WWOX: variants seen among roughly 807,000 people sequenced by gnomAD.
The protein encoded by WWOX is WW domain-containing oxidoreductase.
Under a neutral mutation model 46.2 loss-of-function variants are expected in WWOX, and 69 were observed. That is an observed-to-expected ratio of 1.49 (90% CI 1.23 to 1.82). The LOEUF (loss-of-function observed/expected upper bound fraction) is 1.82. Ranked by LOEUF, WWOX falls within the 40% of genes most tolerant of loss-of-function variation. The pLI, the probability that WWOX is intolerant of heterozygous loss-of-function variation, is 0.00. For synonymous variants in WWOX, 359 were observed against 202.6 expected, an observed-to-expected ratio of 1.77 and a Z score of -6.56; for missense variants, 919 against 542.6, an observed-to-expected ratio of 1.69 and a Z score of -6.89.
At chr16:78,967,681 A>C (rs2046388902) in intron 8 of WWOX, among the ~76,000 whole-genome samples, 1 of 152,068 alleles carries the variant, frequency 6.6e-6, no homozygotes, top group Non-Finnish European at 1.5e-5. Context: ...GGGAGAGTCT[A>C]GTGGGTGTTA....
chr16:79,007,940 C>A (rs556470691), intron 8 of WWOX, among the ~76,000 whole-genome samples: 1 of 152,282 alleles, frequency 6.6e-6, no homozygotes, highest in Non-Finnish European at 1.5e-5. Context: ...ATTGTGTTAG[C>A]TATCTCTTGC....
chr16:79,152,704 C>T (rs1191039928), intron 8 of WWOX, among the ~76,000 whole-genome samples: 1 of 151,938 alleles, frequency 6.6e-6, no homozygotes, highest in East Asian at 1.9e-4. Flanking sequence ...ACCTGCCCTG[C>T]CCAGCCATGC....
chr16:78,176,243 T>C (rs1030115172), intron 5 of WWOX, among the ~76,000 whole-genome samples: 9 of 152,176 alleles, frequency 5.9e-5, no homozygotes, highest in African/African-American at 2.2e-4. Flanking sequence ...TCCAAAGTTA[T>C]TGAAGATATT....
intron 8 of WWOX, among the ~76,000 whole-genome samples, chr16:79,067,083 G>A (rs560269424): frequency 2.0e-5 from 3 of 152,288 alleles, no homozygotes; most frequent in African/African-American, 4.8e-5. Flanking sequence ...TATTAGTGAG[G>A]TCTCCCTGAA....
At chr16:78,726,286 A>T (rs968747600) in intron 8 of WWOX, among the ~76,000 whole-genome samples, 1 of 149,530 alleles carries the variant, frequency 6.7e-6, no homozygotes, top group Non-Finnish European at 1.5e-5. Flanking sequence ...GTGCAGTGGC[A>T]TGATCACGGT....
chr16:78,674,261 C>T lies in WWOX; in HGVS notation c.1056+241509C>T, dbSNP rs115176097. ...GTGGGGAAGCACTCCCCATCCAACT[C>T]GTTCCAACCAGTTCATCTTTTTTTT... On this transcript the variant is annotated intron_variant, in intron 8 of 8. Transcript: ENST00000566780. Among the ~76,000 whole-genome samples, 1,342 of 148,618 alleles carry T rather than the reference C, an allele frequency of 9.0e-3. 23 individuals carry two copies. The highest frequency in any genetic ancestry group is 0.031 in the African/African-American group (1,245 of 40,612).
intron 8 of WWOX, among the ~76,000 whole-genome samples, chr16:78,562,671 C>G (rs1321120031): frequency 6.6e-6 from 1 of 152,196 alleles, no homozygotes; most frequent in Non-Finnish European, 1.5e-5. Flanking sequence ...TCAATACTTG[C>G]CTTCCTTTGA....
At chr16:78,684,499 G>A (rs191421216) in intron 8 of WWOX, among the ~76,000 whole-genome samples, 2 of 152,272 alleles carry the variant, frequency 1.3e-5, no homozygotes, top group African/African-American at 2.4e-5. Context: ...CCCATTTGCA[G>A]TTCCCTCAGA....
chr16:78,717,344 T>C (rs2048588165), intron 8 of WWOX, among the ~76,000 whole-genome samples: 1 of 152,246 alleles, frequency 6.6e-6, no homozygotes, highest in Admixed American at 6.5e-5. Context: ...TGCAATAATG[T>C]AATTGAAATA....
intron 5 of WWOX, among the ~76,000 whole-genome samples, chr16:78,347,284 G>A (rs4421994): frequency 0.2 from 22,472 of 111,188 alleles, 6,664 homozygotes; most frequent in Admixed American, 0.41. Flanking sequence ...TCTGGCCAAT[G>A]CTCCTTCCCC....
intron 8 of WWOX, among the ~76,000 whole-genome samples, chr16:79,071,614 A>G (rs911213385): frequency 1.3e-5 from 2 of 152,262 alleles, no homozygotes; most frequent in African/African-American, 4.8e-5. Context: ...TTACACGCTC[A>G]GGCTTGTAGT....
intron 8 of WWOX, among the ~76,000 whole-genome samples, chr16:78,759,213 A>T (rs187997367): frequency 2.2e-4 from 33 of 152,274 alleles, no homozygotes; most frequent in African/African-American, 7.5e-4. Context: ...AGAACAGGGT[A>T]ATCAACTGGG....
At chr16:78,709,637 C>T (rs983830984) in intron 8 of WWOX, among the ~76,000 whole-genome samples, 3 of 152,090 alleles carry the variant, frequency 2.0e-5, no homozygotes, top group African/African-American at 7.2e-5. Flanking sequence ...GGCCTTTTAA[C>T]AGGGAATGAA....
intron 8 of WWOX, among the ~76,000 whole-genome samples, chr16:79,177,025 C>A (rs1373333432): frequency 6.6e-6 from 1 of 152,210 alleles, no homozygotes; most frequent in Non-Finnish European, 1.5e-5. Flanking sequence ...GCATATGTTG[C>A]TTTTATTAGG....
chr16:78,154,841 G>A (rs12716852), intron 4 of WWOX, among the ~76,000 whole-genome samples: 86,231 of 151,850 alleles, frequency 0.57, 24,693 homozygotes, highest in African/African-American at 0.65. Flanking sequence ...AGTTGTGAAC[G>A]TATGGACTGA....
chr16:78,273,817 G>A (rs1321104446), intron 5 of WWOX, among the ~76,000 whole-genome samples: 1 of 152,210 alleles, frequency 6.6e-6, no homozygotes, highest in Non-Finnish European at 1.5e-5. Flanking sequence ...AGTGTATTGT[G>A]TAGTGGAACC....
chr16:78,793,251 G>A (rs1421853025), intron 8 of WWOX, among the ~76,000 whole-genome samples: 1 of 152,032 alleles, frequency 6.6e-6, no homozygotes, highest in African/African-American at 2.4e-5. Flanking sequence ...TGTAGAGACG[G>A]TGTTTTGCCA....
rs1470302532 is a variant in WWOX, at chr16:78,342,766, T to A, written c.517-44094T>A. On this transcript the variant is annotated intron_variant, in intron 5 of 8. Coordinates refer to ENST00000566780, the MANE Select transcript of WWOX (RefSeq NM_016373.4). ...AAAATTGCAGGTTTGAAAGGGTACC[T>A]AAAAACAAGCCACCAGATTGTCCCA... Among the ~76,000 whole-genome samples, 3 of 120,580 alleles carry A rather than the reference T, an allele frequency of 2.5e-5. 1 individual carries two copies. The highest frequency in any genetic ancestry group is 6.0e-5 in the Non-Finnish European group (3 of 50,416). The allele number at this position is 120,580 out of a possible 152,430, so 79.1% of individuals were successfully genotyped here. A position where few individuals can be genotyped will look rare whatever the true frequency, so the allele number is the denominator to read the frequency against.
At chr16:78,860,820 A>G (rs1232378761) in intron 8 of WWOX, among the ~76,000 whole-genome samples, 7 of 151,776 alleles carry the variant, frequency 4.6e-5, no homozygotes, top group Non-Finnish European at 1.0e-4. Flanking sequence ...TATAGGGAGG[A>G]TTTCTCTCCC....
Sources: gnomAD v4.1 joint callset for allele counts (sites outside exome capture counted in the v4.1 genomes callset) on GRCh38, gnomAD v4.1.1 for gene constraint, MANE v1.5 for transcripts, NCBI Gene and HGNC (gene_info 2026-07-23, HGNC 2026-07-21) for gene names.